TAF3: variants seen among roughly 807,000 people sequenced by gnomAD.
TAF3 encodes the protein transcription initiation factor TFIID subunit 3.
TAF3 carries 7 observed loss-of-function variants against 80.6 expected under a neutral mutation model. The ratio of observed to expected loss-of-function variants is 0.09; its 90% CI spans 0.05 to 0.16. TAF3 has a LOEUF of 0.16. Ranked by LOEUF, TAF3 falls within the 10% of genes least tolerant of loss-of-function variation. The pLI is 1.00. For synonymous variants in TAF3, 444 were observed against 446.1 expected (o/e 1.00, Z 0.06); for missense variants, 921 against 1,140.2 (o/e 0.81, Z 2.77).
Position 8,009,141 on chromosome 10 carries a change from G to C in TAF3, c.2379G>C (p.Lys793Asn), listed in dbSNP as rs778293675. The change falls in exon 5 of 7, where the codon AAG (lysine) becomes AAC (asparagine). Residue 793 changes from lysine to asparagine, a missense_variant. By Grantham distance (94) the Lys-to-Asn change is moderately conservative (BLOSUM62 0). Coordinates refer to ENST00000344293, the MANE Select transcript of TAF3 (RefSeq NM_031923.4). This position sits in a 1 kb window ranked among gnomAD's most constrained non-coding sequence, Gnocchi z 4.1. ...AKPAPSQNRP[K>N]TPPPAPAPAP... ...CGGCGCCCTCGCAGAACAGGCCGAA[G>C]ACCCCACCGCCGGCCCCCGCGCCCG... The C allele has an allele frequency of 6.3e-7, 1 of 1,592,252 alleles. No individual in the cohort carries two copies. The highest frequency in any genetic ancestry group is 1.1e-5 in the South Asian group (1 of 90,878).
At chr10:7,957,425 G>T (rs983864221) in intron 2 of TAF3, among the ~76,000 whole-genome samples, 1 of 152,114 alleles carries the variant, frequency 6.6e-6, no homozygotes, top group Non-Finnish European at 1.5e-5. Flanking sequence ...CTTCTCAAAA[G>T]GGTTACAAGG....
intron 4 of TAF3, among the ~76,000 whole-genome samples, chr10:8,008,353 C>T (rs559526233): frequency 1.3e-5 from 2 of 152,232 alleles, no homozygotes; most frequent in African/African-American, 2.4e-5. Context: ...CCCACCTCGG[C>T]CTCCCAGAGT....
intron 4 of TAF3, among the ~76,000 whole-genome samples, chr10:7,983,234 G>A (rs575043050): frequency 2.6e-5 from 4 of 152,306 alleles, no homozygotes; most frequent in East Asian, 1.9e-4. Context: ...GAAGGACTTC[G>A]CTTCAGCAGC....
Position 7,863,692 on chromosome 10 carries a change from CAT to C in TAF3, c.409+39144_409+39145del, listed in dbSNP as rs796279577. Among the ~76,000 whole-genome samples, 158 of 25,918 alleles carry C rather than the reference CAT, an allele frequency of 6.1e-3. 34 individuals are homozygous for C. Among genetic ancestry groups the C allele is most frequent in the South Asian group, 0.021 (8 of 382 alleles). 17.0% of individuals were successfully genotyped at this position (25,918 alleles called of 152,430 possible). Reference sequence around the variant, plus strand: ...ACACACATATATATATATACACACACATATATATATATACACATATATATATA... The same window carrying C: ...ACACACATATATATATATACACACACATATATATATACACATATATATATA... On this transcript the variant is annotated intron_variant, in intron 2 of 6. Coordinates refer to ENST00000344293, the MANE Select transcript of TAF3 (RefSeq NM_031923.4).
At chr10:7,868,368 A>G (rs778436214) in intron 2 of TAF3, among the ~76,000 whole-genome samples, 2 of 151,534 alleles carry the variant, frequency 1.3e-5, no homozygotes, top group Admixed American at 1.3e-4. Flanking sequence ...TCTAGTAACC[A>G]TTCAGGAGTG....
chr10:7,947,302 G>A (rs1838034451), intron 2 of TAF3, among the ~76,000 whole-genome samples: 1 of 140,826 alleles, frequency 7.1e-6, no homozygotes, highest in Non-Finnish European at 1.6e-5. Context: ...GGATAGTGCG[G>A]TTAAGAGCTT....
Position 7,818,637 on chromosome 10 carries a change from G to T in TAF3, c.-73G>T. The T allele has an allele frequency of 1.3e-6, 2 of 1,510,076 alleles. No homozygotes were observed. The allele number at this position is 1,510,076 out of a possible 1,614,324, so 93.5% of individuals were successfully genotyped here. On this transcript the variant is annotated 5_prime_UTR_variant, in exon 1 of 7. Coordinates refer to ENST00000344293, the MANE Select transcript of TAF3 (RefSeq NM_031923.4). ...CGGAAGCCCTAGAGGATGAATCGGG[G>T]ACCCTGCTAAGGTCTGGCGGCGGGG...
intron 2 of TAF3, among the ~76,000 whole-genome samples, chr10:7,939,620 A>ACG (rs1301578791): frequency 4.9e-5 from 7 of 141,814 alleles, no homozygotes; most frequent in Non-Finnish European, 9.3e-5. Context: ...ACACACACAC[A>ACG]CCTCTACCTA....
chr10:7,967,181 G>A (rs1345165879), intron 3 of TAF3, among the ~76,000 whole-genome samples: 2 of 152,186 alleles, frequency 1.3e-5, no homozygotes, highest in East Asian at 1.9e-4. Flanking sequence ...GAGACTTCAC[G>A]TGGTGAGGGG....
chr10:7,819,011 C>A (rs1015952034), intron 1 of TAF3, 136 bp downstream of exon 1: 2 of 898,688 alleles, frequency 2.2e-6, no homozygotes, highest in Non-Finnish European at 3.0e-6. Flanking sequence ...CGGCCTCCCA[C>A]GTCCCTGGGC....
At chr10:7,854,295 A>G (rs1401798304) in intron 2 of TAF3, among the ~76,000 whole-genome samples, 1 of 152,246 alleles carries the variant, frequency 6.6e-6, no homozygotes, top group Non-Finnish European at 1.5e-5. Context: ...ATTTTAAGTT[A>G]GTTGTTGACT....
At chr10:7,897,408 G>C (rs908923515) in intron 2 of TAF3, among the ~76,000 whole-genome samples, 2 of 152,078 alleles carry the variant, frequency 1.3e-5, no homozygotes, top group Non-Finnish European at 2.9e-5. Flanking sequence ...ATTCTGATCC[G>C]TTCTGAATCC....
intron 2 of TAF3, among the ~76,000 whole-genome samples, chr10:7,827,733 T>C (rs1836756687): frequency 4.6e-5 from 7 of 151,094 alleles, no homozygotes; most frequent in African/African-American, 2.4e-5. Flanking sequence ...TGAGCCGAGA[T>C]TGTGCCACTG....
intron 2 of TAF3, among the ~76,000 whole-genome samples, chr10:7,920,363 A>C: frequency 6.9e-6 from 1 of 144,590 alleles, no homozygotes; most frequent in Non-Finnish European, 1.5e-5. Context: ...TGCTTGGTTC[A>C]TTTGTTGAGT....
At chr10:7,940,859 T>C (rs1310231721) in intron 2 of TAF3, among the ~76,000 whole-genome samples, 1 of 151,090 alleles carries the variant, frequency 6.6e-6, no homozygotes, top group Non-Finnish European at 1.5e-5. Context: ...CTTGGGAGAC[T>C]GAGGTAAGAG....
chr10:7,914,921 G>C (rs1327147819), intron 2 of TAF3, among the ~76,000 whole-genome samples: 1 of 139,344 alleles, frequency 7.2e-6, no homozygotes. Context: ...GAAAGCCTCG[G>C]TGCTCCCAGC....
At chr10:7,884,994 G>GTT (rs71505470) in intron 2 of TAF3, among the ~76,000 whole-genome samples, 1 of 147,072 alleles carries the variant, frequency 6.8e-6, no homozygotes, top group Non-Finnish European at 1.5e-5. Context: ...TTTTTGTTCA[G>GTT]TTTTTTTTTT....
chr10:7,870,584 C>T (rs754261647), intron 2 of TAF3, among the ~76,000 whole-genome samples: 2 of 152,134 alleles, frequency 1.3e-5, no homozygotes, highest in East Asian at 1.9e-4. Flanking sequence ...TGAAAAATGG[C>T]GGTCTGTTGT....
chr10:7,884,680 G>T (rs929988488), intron 2 of TAF3, among the ~76,000 whole-genome samples: 5 of 152,212 alleles, frequency 3.3e-5, no homozygotes, highest in East Asian at 1.9e-4. Context: ...GCGCCGCTGC[G>T]CCTGGCCTGC....
Sources: gnomAD v4.1 joint callset for allele counts (sites outside exome capture counted in the v4.1 genomes callset) on GRCh38, gnomAD v4.1.1 for gene constraint, Gnocchi (gnomAD v3.1) non-coding constraint, MANE v1.5 for transcripts, NCBI Gene and HGNC (gene_info 2026-07-23, HGNC 2026-07-21) for gene names.